GAPVD1: variants seen among roughly 807,000 people sequenced by gnomAD.
GAPVD1 encodes GTPase activating protein and VPS9 domains 1.
In GAPVD1, 35 loss-of-function variants were observed where a neutral mutation model predicts 155.5. The ratio of observed to expected loss-of-function variants is 0.23; its 90% CI spans 0.17 to 0.30. The LOEUF is 0.30. GAPVD1 is among the 10% of genes least tolerant of loss of function. The probability of loss-of-function intolerance (pLI) is 1.00; values close to 1 mark genes in which losing one functional copy is unlikely to be tolerated. For missense variants in GAPVD1, 1,429 were observed against 1,775.7 expected (o/e 0.80, Z 3.51); for synonymous variants, 636 against 619.7 (o/e 1.03, Z -0.39).
At chr9:125,273,880 GC>G (rs1835310312) in intron 2 of GAPVD1, among the ~76,000 whole-genome samples, 1 of 151,826 alleles carries the variant, frequency 6.6e-6, no homozygotes, top group African/African-American at 2.4e-5. Flanking sequence ...GGCTGTCATG[GC>G]ACAGAGGTTT....
intron 1 of GAPVD1, among the ~76,000 whole-genome samples, chr9:125,265,224 G>GATC (rs1362897489): frequency 2.0e-5 from 3 of 152,044 alleles, no homozygotes; most frequent in South Asian, 4.1e-4. Context: ...TTTACTGTGT[G>GATC]ATCCTAGGTT....
At chr9:125,362,530 C>T (rs960722936) in intron 27 of GAPVD1, 76 bp from the exon 28 acceptor site, 10 of 1,170,834 alleles carry the variant, frequency 8.5e-6, no homozygotes, top group Middle Eastern at 2.2e-4. Context: ...GAAGAACATT[C>T]GAAGAACACT....
At chr9:125,314,617 G>A (rs2131312424) in intron 9 of GAPVD1, among the ~76,000 whole-genome samples, 1 of 151,888 alleles carries the variant, frequency 6.6e-6, no homozygotes, top group Admixed American at 6.6e-5. Context: ...TCGCCCCATT[G>A]CACTCCAGCC....
chr9:125,329,363 A>G (rs1427640572), intron 12 of GAPVD1, among the ~76,000 whole-genome samples: 2 of 152,196 alleles, frequency 1.3e-5, no homozygotes, highest in Non-Finnish European at 2.9e-5. Flanking sequence ...TTAAACTCTC[A>G]GTGTTTTTAA....
At chr9:125,319,361 G>A (rs1473706986) in intron 9 of GAPVD1, among the ~76,000 whole-genome samples, 1 of 150,884 alleles carries the variant, frequency 6.6e-6, no homozygotes, top group Non-Finnish European at 1.5e-5. Context: ...GCGACAGAAT[G>A]AGTTCCATCT....
intron 3 of GAPVD1, among the ~76,000 whole-genome samples, chr9:125,297,856 CT>C (rs1485723256): frequency 2.6e-5 from 4 of 152,128 alleles, no homozygotes; most frequent in Non-Finnish European, 5.9e-5. Context: ...AACAATTCTC[CT>C]GCCTCAGCCT....
At chr9:125,274,366 AG>A (rs1348157993) in intron 2 of GAPVD1, among the ~76,000 whole-genome samples, 1 of 151,806 alleles carries the variant, frequency 6.6e-6, no homozygotes, top group Non-Finnish European at 1.5e-5. Context: ...AAAAAAATGA[AG>A]GGTTTTCTTT....
intron 12 of GAPVD1, among the ~76,000 whole-genome samples, chr9:125,329,487 T>C (rs1394680408): frequency 6.6e-6 from 1 of 152,170 alleles, no homozygotes; most frequent in Non-Finnish European, 1.5e-5. Context: ...GTTTTCTCTA[T>C]GGAGAGTCAA....
intron 15 of GAPVD1, 34 bp downstream of exon 15, chr9:125,332,663 G>A: frequency 6.3e-7 from 1 of 1,590,368 alleles, no homozygotes; most frequent in South Asian, 1.1e-5. Context: ...CTTAAAAAAT[G>A]ACCACATCCG....
chr9:125,341,246 G>A lies in GAPVD1; in HGVS notation c.2947G>A (p.Val983Ile), dbSNP rs755956846. The change falls in exon 18 of 28, where the codon GTT (valine) becomes ATT (isoleucine). Residue 983 changes from valine to isoleucine, a missense_variant. Val to Ile is a conservative substitution (Grantham distance 29, BLOSUM62 3). Coordinates refer to ENST00000297933, the MANE Select transcript of GAPVD1 (RefSeq NM_001282680.3). ...CAGACCTTGGTGGAGAAAACGTTTT[G>A]TTTCAGCCATGCCTAAAGGTAATTT... Reference protein sequence around the residue: ...RNRPWWRKRFVSAMPKAPIPF... With the variant: ...RNRPWWRKRFISAMPKAPIPF... 1 of 1,565,076 alleles carries A rather than the reference G, an allele frequency of 6.4e-7. No homozygotes were observed. The highest frequency in any genetic ancestry group is 8.8e-7 in the Non-Finnish European group (1 of 1,139,144).
At chr9:125,346,762 C>T in intron 19 of GAPVD1, 57 bp from the exon 20 acceptor site, 3 of 1,340,798 alleles carry the variant, frequency 2.2e-6, no homozygotes, top group Non-Finnish European at 3.2e-6. Flanking sequence ...GTCATACTAA[C>T]ATCAGAGGTG....
chr9:125,327,205 A>T (rs1482689935), intron 12 of GAPVD1, among the ~76,000 whole-genome samples: 2 of 151,692 alleles, frequency 1.3e-5, no homozygotes, highest in African/African-American at 4.8e-5. Context: ...TTTTTTTTTA[A>T]TGTGAAGTTT....
At chr9:125,275,600 T>C (rs1172475562) in intron 2 of GAPVD1, among the ~76,000 whole-genome samples, 1 of 151,092 alleles carries the variant, frequency 6.6e-6, no homozygotes, top group Admixed American at 6.6e-5. Context: ...AATACAAGAG[T>C]TAGTTGGGCA....
intron 2 of GAPVD1, among the ~76,000 whole-genome samples, chr9:125,286,563 A>G (rs1837741542): frequency 6.6e-6 from 1 of 152,128 alleles, no homozygotes; most frequent in African/African-American, 2.4e-5. Flanking sequence ...GGTATGCCTA[A>G]TGTTAATTTA....
rs570953206 is a variant in GAPVD1 at position 125,365,161 on chromosome 9, G to A, written c.*2415G>A. The A allele has an allele frequency of 4.6e-5, 7 of 152,288 alleles. No individual in the cohort carries two copies. Among genetic ancestry groups the A allele is most frequent in the Admixed American group, 2.0e-4 (3 of 15,284 alleles). The allele number at this position is 152,288 out of a possible 1,614,324, so 9.4% of individuals were successfully genotyped here. A position where few individuals can be genotyped will look rare whatever the true frequency, so the allele number is the denominator to read the frequency against. On this transcript the variant is annotated 3_prime_UTR_variant, in exon 28 of 28. Transcript: ENST00000297933. Reference sequence around the variant, plus strand: ...TCTGTGACACCTGTGAAATGGGTTCGGGTGCTCATGACTCCATAGCTGGCG... The same window carrying A: ...TCTGTGACACCTGTGAAATGGGTTCAGGTGCTCATGACTCCATAGCTGGCG...
Position 125,337,535 on chromosome 9 carries a change from G to A in GAPVD1, c.2821G>A (p.Val941Met). The A allele has an allele frequency of 6.2e-7, 1 of 1,614,048 alleles. No homozygotes were observed. Among genetic ancestry groups the A allele is most frequent in the African/African-American group, 1.3e-5 (1 of 75,046 alleles). The change falls in exon 17 of 28, where the codon GTG (valine) becomes ATG (methionine). Residue 941 changes from valine to methionine, a missense_variant. This residue lies in a region of GAPVD1 where 699 missense variants were observed against 826.0 expected (regional missense o/e 0.85). Transcript: ENST00000297933. ...PAAAIGATSL[V>M]AAPHSSSSSP... ...TGCAGCCATTGGTGCTACTTCTTTG[G>A]TGGCTGCACCTCATTCATCATCTTC...
chr9:125,339,915 T>C (rs1378554076), intron 17 of GAPVD1, among the ~76,000 whole-genome samples: 1 of 152,222 alleles, frequency 6.6e-6, no homozygotes, highest in East Asian at 1.9e-4. Context: ...TTCTGATAAT[T>C]CTTTATCCCA....
At chr9:125,270,414 G>A (rs2131803103) in intron 2 of GAPVD1, among the ~76,000 whole-genome samples, 1 of 151,936 alleles carries the variant, frequency 6.6e-6, no homozygotes, top group Middle Eastern at 3.4e-3. Flanking sequence ...GGGTGACAGA[G>A]CTAGAGTCTG....
At chr9:125,321,359 T>C in intron 9 of GAPVD1, 74 bp from the exon 10 acceptor site, 1 of 1,009,318 alleles carries the variant, frequency 9.9e-7, no homozygotes, top group Admixed American at 2.0e-5. Flanking sequence ...GAGTTAAATA[T>C]GCATTTGCTG....
Sources: allele counts gnomAD v4.1 joint callset (sites outside exome capture counted in the v4.1 genomes callset), GRCh38; gene constraint gnomAD v4.1.1; regional missense constraint gnomAD v4.1.1; transcripts MANE v1.5; gene names NCBI Gene and HGNC (gene_info 2026-07-23, HGNC 2026-07-21).